Variants in DRAM1 observed in about 807,000 individuals in gnomAD.
DRAM1 encodes DNA damage-regulated autophagy modulator protein 1.
Under a neutral mutation model 28.5 loss-of-function variants are expected in DRAM1, and 25 were observed. The observed-to-expected ratio is 0.88, with a 90% CI of 0.64 to 1.23. The LOEUF (loss-of-function observed/expected upper bound fraction) is 1.23, where lower values mean the gene tolerates loss of function less well. Among genes scored for constraint, DRAM1 ranks in the 50% most tolerant of loss-of-function variants. The pLI is 0.00. For synonymous variants in DRAM1, 113 were observed against 114.2 expected (o/e 0.99, Z 0.07); for missense variants, 249 against 299.2 (o/e 0.83, Z 1.24).
intron 4 of DRAM1, among the ~76,000 whole-genome samples, chr12:101,908,718 G>C (rs1566129314): frequency 6.6e-6 from 1 of 151,918 alleles, no homozygotes; most frequent in Non-Finnish European, 1.5e-5. Flanking sequence ...CAGATATGAG[G>C]GTGGGGGGTC....
chr12:101,909,018 T>C (rs1261044667), intron 4 of DRAM1, among the ~76,000 whole-genome samples: 3 of 151,320 alleles, frequency 2.0e-5, no homozygotes, highest in African/African-American at 7.3e-5. Flanking sequence ...TCCCAGCACT[T>C]TGGGAGGCTC....
chr12:101,907,199 C>CAAAAAAAAA (rs397965756), intron 3 of DRAM1, among the ~76,000 whole-genome samples: 2 of 85,154 alleles, frequency 2.3e-5, no homozygotes, highest in Non-Finnish European at 4.5e-5. Flanking sequence ...GACCCTGTCT[C>CAAAAAAAAA]AAAAAAAAAA....
At chr12:101,887,977 C>T (rs1355444017) in intron 1 of DRAM1, among the ~76,000 whole-genome samples, 1 of 152,106 alleles carries the variant, frequency 6.6e-6, no homozygotes, top group African/African-American at 2.4e-5. Flanking sequence ...TTAATGAGGG[C>T]TGTGTGCATA....
chr12:101,882,265 C>G (rs373213901), intron 1 of DRAM1, among the ~76,000 whole-genome samples: 1 of 150,718 alleles, frequency 6.6e-6, no homozygotes, highest in Non-Finnish European at 1.5e-5. Context: ...CCCGCCACCC[C>G]TCCCGGCTAA....
Position 101,907,836 on chromosome 12 carries a change from AG to A in DRAM1, c.343-349del, listed in dbSNP as rs527283027. 4.7e-4 allele frequency among the ~76,000 whole-genome samples: 72 copies of A among 152,354 alleles called. 1 individual carries two copies. Among genetic ancestry groups the A allele is most frequent in the African/African-American group, 1.7e-3 (72 of 41,582 alleles). On this transcript the variant is annotated intron_variant, in intron 3 of 6. Coordinates refer to ENST00000258534, the MANE Select transcript of DRAM1 (RefSeq NM_018370.3). ...GACTGAGATGATTATGCCCATTTTT[AG>A]ATACAGAAATCGAGGCTTTGCAGTA...
At chr12:101,916,210 G>A (rs1874237982) in intron 5 of DRAM1, among the ~76,000 whole-genome samples, 2 of 152,178 alleles carry the variant, frequency 1.3e-5, no homozygotes, top group Non-Finnish European at 2.9e-5. Context: ...ATGAGATATC[G>A]AGGTTAGAAA....
intron 3 of DRAM1, among the ~76,000 whole-genome samples, chr12:101,904,430 T>G (rs1873722810): frequency 1.8e-5 from 1 of 56,484 alleles, no homozygotes; most frequent in Non-Finnish European, 3.0e-5. Context: ...TTTAGGGGTT[T>G]TTTTTTTTTT....
At chr12:101,878,597 A>G (rs1362895954) in intron 1 of DRAM1, among the ~76,000 whole-genome samples, 1 of 152,200 alleles carries the variant, frequency 6.6e-6, no homozygotes, top group East Asian at 1.9e-4. Context: ...TATTTTACCC[A>G]TTCACTTTTC....
intron 1 of DRAM1, chr12:101,890,226 G>A (rs1873059139): frequency 3.0e-6 from 1 of 337,238 alleles, no homozygotes; most frequent in South Asian, 2.3e-5. Context: ...TTACAGGTAT[G>A]TGCCACCACG....
At chr12:101,910,868 A>G (rs564943221) in intron 4 of DRAM1, among the ~76,000 whole-genome samples, 35 of 152,168 alleles carry the variant, frequency 2.3e-4, no homozygotes, top group Non-Finnish European at 3.8e-4. Context: ...ACTTGAATGA[A>G]TTCATCCACA....
intron 1 of DRAM1, among the ~76,000 whole-genome samples, chr12:101,883,933 C>CAA (rs1278466703): frequency 1.5e-4 from 17 of 114,978 alleles, no homozygotes; most frequent in African/African-American, 4.2e-4. Flanking sequence ...GACTCTTTCT[C>CAA]AAAAAAAAAA....
intron 3 of DRAM1, among the ~76,000 whole-genome samples, chr12:101,903,391 G>A (rs1376861415): frequency 6.6e-6 from 1 of 152,188 alleles, no homozygotes; most frequent in Non-Finnish European, 1.5e-5. Context: ...CAACATGGAT[G>A]AACCTGGAGG....
intron 1 of DRAM1, among the ~76,000 whole-genome samples, chr12:101,896,465 A>G (rs1873378158): frequency 6.6e-6 from 1 of 152,176 alleles, no homozygotes; most frequent in Non-Finnish European, 1.5e-5. Context: ...TGGCACTAAT[A>G]GAAAATAGAA....
intron 1 of DRAM1, among the ~76,000 whole-genome samples, chr12:101,889,673 C>T (rs1873027961): frequency 6.6e-6 from 1 of 152,170 alleles, no homozygotes; most frequent in African/African-American, 2.4e-5. Flanking sequence ...GACGTGGTGG[C>T]TTACGCCTGT....
chr12:101,888,525 A>C (rs1872971653), intron 1 of DRAM1, among the ~76,000 whole-genome samples: 1 of 152,152 alleles, frequency 6.6e-6, no homozygotes, highest in African/African-American at 2.4e-5. Flanking sequence ...TAGTAAGAAA[A>C]GTGAAGATCC....
At chr12:101,883,096 A>C (rs1872747037) in intron 1 of DRAM1, among the ~76,000 whole-genome samples, 1 of 151,044 alleles carries the variant, frequency 6.6e-6, no homozygotes, top group African/African-American at 2.4e-5. Flanking sequence ...GTTACATGGG[A>C]AAAAGCAAGA....
chr12:101,889,629 G>A (rs772933683), intron 1 of DRAM1, among the ~76,000 whole-genome samples: 3 of 152,152 alleles, frequency 2.0e-5, no homozygotes, highest in Non-Finnish European at 2.9e-5. Flanking sequence ...TTCTAAGACC[G>A]TTTCCTCATC....
chr12:101,893,914 G>GTT (rs148100861), intron 1 of DRAM1, among the ~76,000 whole-genome samples: 42 of 147,880 alleles, frequency 2.8e-4, no homozygotes, highest in African/African-American at 1.1e-3. Flanking sequence ...TCACCTGTAT[G>GTT]TTTTTTTTTA....
intron 2 of DRAM1, among the ~76,000 whole-genome samples, chr12:101,900,167 G>C (rs928704239): frequency 2.6e-5 from 4 of 152,164 alleles, no homozygotes; most frequent in African/African-American, 9.7e-5. Context: ...ATGGTATTTG[G>C]TTAATTGACT....
Sources: allele counts gnomAD v4.1 joint callset (sites outside exome capture counted in the v4.1 genomes callset), GRCh38; gene constraint gnomAD v4.1.1; transcripts MANE v1.5; gene names NCBI Gene and HGNC (gene_info 2026-07-23, HGNC 2026-07-21).